Variants in MAPRE2 observed in about 807,000 individuals in gnomAD.
The protein encoded by MAPRE2 is microtubule-associated protein RP/EB family member 2.
In MAPRE2, 13 loss-of-function variants were observed where a neutral mutation model predicts 43.2. The observed-to-expected ratio is 0.30, with a 90% CI of 0.20 to 0.48. The LOEUF (loss-of-function observed/expected upper bound fraction) is 0.48. Ranked by LOEUF, MAPRE2 falls within the 20% of genes least tolerant of loss-of-function variation. MAPRE2 has a pLI of 0.99. For missense variants in MAPRE2, 161 were observed against 400.2 expected, an observed-to-expected ratio of 0.40 and a Z score of 5.10; for synonymous variants, 135 against 148.8, an observed-to-expected ratio of 0.91 and a Z score of 0.68.
intron 1 of MAPRE2, among the ~76,000 whole-genome samples, chr18:35,042,523 A>G (rs1905420367): frequency 6.6e-6 from 1 of 152,206 alleles, no homozygotes; most frequent in African/African-American, 2.4e-5. Context: ...AGATAAGCTC[A>G]TTAAAATTGT....
At chr18:34,979,722 G>C (rs1170672634) in intron 1 of MAPRE2, among the ~76,000 whole-genome samples, 1 of 152,032 alleles carries the variant, frequency 6.6e-6, no homozygotes, top group Admixed American at 6.5e-5. Flanking sequence ...TGAATTAAAT[G>C]ATCTATTTAA....
intron 2 of MAPRE2, among the ~76,000 whole-genome samples, chr18:35,010,770 C>T (rs146439994): frequency 3.9e-4 from 59 of 152,150 alleles, no homozygotes; most frequent in African/African-American, 1.4e-3. Flanking sequence ...CTTACATGTT[C>T]TATGGATGTG....
chr18:35,005,433 C>A, intron 1 of MAPRE2: 1 of 1,067,184 alleles, frequency 9.4e-7, no homozygotes, highest in Non-Finnish European at 1.4e-6. Context: ...TCTTTGCTTC[C>A]ATATTTTCAT....
chr18:35,008,271 A>G (rs1030708954), intron 2 of MAPRE2, among the ~76,000 whole-genome samples: 2 of 152,130 alleles, frequency 1.3e-5, no homozygotes, highest in Admixed American at 6.5e-5. Context: ...TTTGATCCTC[A>G]CTAAATAGTT....
chr18:35,045,092 C>G (rs1905555161), intron 1 of MAPRE2, among the ~76,000 whole-genome samples: 1 of 152,174 alleles, frequency 6.6e-6, no homozygotes, highest in Non-Finnish European at 1.5e-5. Flanking sequence ...GTTTTCACTC[C>G]TGTGTGATTT....
intron 2 of MAPRE2, among the ~76,000 whole-genome samples, chr18:35,028,560 C>A (rs1568976286): frequency 6.6e-6 from 1 of 152,154 alleles, no homozygotes; most frequent in Non-Finnish European, 1.5e-5. Context: ...TTAGAAAAAC[C>A]TAGAGAACTA....
chr18:35,038,008 T>C (rs2097051575), upstream of MAPRE2, among the ~76,000 whole-genome samples: 2 of 152,352 alleles, frequency 1.3e-5, no homozygotes, highest in South Asian at 4.1e-4. Context: ...ATGGGCACTC[T>C]GCTGGTGGTC....
intron 1 of MAPRE2, among the ~76,000 whole-genome samples, chr18:35,065,537 C>A (rs1603396780): frequency 6.6e-6 from 1 of 151,904 alleles, no homozygotes. Flanking sequence ...CTGACCAGAT[C>A]TTTATTTTTA....
intron 2 of MAPRE2, among the ~76,000 whole-genome samples, chr18:35,013,157 G>C (rs374912699): frequency 6.6e-6 from 1 of 152,172 alleles, no homozygotes; most frequent in African/African-American, 2.4e-5. Flanking sequence ...CAGAATGGGA[G>C]CCAGATGCAA....
At chr18:35,055,806 T>G (rs987863507) in intron 1 of MAPRE2, among the ~76,000 whole-genome samples, 1 of 151,830 alleles carries the variant, frequency 6.6e-6, no homozygotes, top group Non-Finnish European at 1.5e-5. Context: ...AATACAAAAA[T>G]TAGCCAGGTG....
intron 2 of MAPRE2, 63 bp downstream of exon 2, chr18:35,070,385 T>G: frequency 1.4e-6 from 2 of 1,393,440 alleles, no homozygotes; most frequent in Non-Finnish European, 1.9e-6. Context: ...GAATGTGATT[T>G]TATGAACCAC....
In MAPRE2 at chr18:35,075,973, G is replaced by T. The variant is rs994775054; in HGVS notation, c.250+5651G>T. On this transcript the variant is annotated intron_variant, in intron 2 of 6. Coordinates refer to ENST00000300249, the MANE Select transcript of MAPRE2 (RefSeq NM_014268.4). ...TTGCTCCCGAAGATGAACGTAAATT[G>T]CTGTTTCTGTTTTTCTTGGGACTTT... Among the ~76,000 whole-genome samples, 16 of 152,166 alleles carry T rather than the reference G, an allele frequency of 1.1e-4. 1 individual carries two copies. Among genetic ancestry groups the T allele is most frequent in the African/African-American group, 3.4e-4 (14 of 41,504 alleles).
At chr18:35,034,736 A>G (rs2097049590) in intron 2 of MAPRE2, among the ~76,000 whole-genome samples, 1 of 152,266 alleles carries the variant, frequency 6.6e-6, no homozygotes, top group Non-Finnish European at 1.5e-5. Context: ...GAAGACATTT[A>G]TGCAGCCAAA....
At chr18:35,035,516 A>G (rs1247178572) in intron 2 of MAPRE2, among the ~76,000 whole-genome samples, 4 of 152,012 alleles carry the variant, frequency 2.6e-5, no homozygotes, top group African/African-American at 9.7e-5. Flanking sequence ...GTATAATAAA[A>G]ATAAAAAAAA....
chr18:34,978,443 T>C (rs1259778020), intron 1 of MAPRE2: 54 of 1,382,856 alleles, frequency 3.9e-5, no homozygotes, highest in South Asian at 2.4e-4. Context: ...CCGGTTGCGA[T>C]TGTGGTCAGA....
intron 2 of MAPRE2, among the ~76,000 whole-genome samples, chr18:35,010,225 CA>C (rs1358163148): frequency 6.6e-6 from 1 of 151,602 alleles, no homozygotes; most frequent in Non-Finnish European, 1.5e-5. Context: ...CATCTCTCTA[CA>C]AAAAAAATAA....
chr18:34,988,754 ACCTTAAAGTTCT>A (rs2097022302), intron 1 of MAPRE2: 1 of 152,148 alleles, frequency 6.6e-6, no homozygotes, highest in Non-Finnish European at 1.5e-5. Context: ...GCTCCTCAGA[ACCTTAAAGTTCT>A]CCTCATGGCT....
Position 35,107,045 on chromosome 18 carries a change from A to G in MAPRE2, c.610+4886A>G, listed in dbSNP as rs1280797528. On this transcript the variant is annotated intron_variant, in intron 4 of 6. Coordinates refer to ENST00000300249, the MANE Select transcript of MAPRE2 (RefSeq NM_014268.4). ...TGTAGTTACTATAGCAACGACAGCT[A>G]AGACACATTGCAGATTCACATACAT... Among the ~76,000 whole-genome samples the G allele has an allele frequency of 2.6e-5, 4 of 152,326 alleles. No homozygotes were observed. In the East Asian group the frequency reaches 7.7e-4, roughly 29 times the overall value.
At chr18:34,998,107 A>T (rs1313600259) in intron 1 of MAPRE2, among the ~76,000 whole-genome samples, 1 of 151,964 alleles carries the variant, frequency 6.6e-6, no homozygotes, top group Non-Finnish European at 1.5e-5. Context: ...TCTATCAAGG[A>T]ATTTAGTTAC....
Sources: allele counts gnomAD v4.1 joint callset (sites outside exome capture counted in the v4.1 genomes callset), GRCh38; gene constraint gnomAD v4.1.1; transcripts MANE v1.5; gene names NCBI Gene and HGNC (gene_info 2026-07-23, HGNC 2026-07-21).